The following RHOBTB2 variants were observed in gnomAD, a reference collection of about 807,000 sequenced individuals.
The protein encoded by RHOBTB2 is Rho related BTB domain containing 2.
RHOBTB2 carries 39 observed loss-of-function variants against 66.5 expected under a neutral mutation model. The observed-to-expected ratio is 0.59, with a 90% CI of 0.45 to 0.77. The LOEUF (loss-of-function observed/expected upper bound fraction) is 0.77, where lower values mean the gene tolerates loss of function less well. Ranked by LOEUF, RHOBTB2 falls within the 30% of genes least tolerant of loss-of-function variation. The pLI is 0.00. For missense variants in RHOBTB2, 755 were observed against 999.1 expected (o/e 0.76, Z 3.29); for synonymous variants, 390 against 395.0 (o/e 0.99, Z 0.15).
At chr8:23,015,982 A>T (rs927150815) in intron 9 of RHOBTB2, among the ~76,000 whole-genome samples, 1 of 152,234 alleles carries the variant, frequency 6.6e-6, no homozygotes, top group Non-Finnish European at 1.5e-5. Context: ...ATACTGGACT[A>T]AAGTTGGTAG....
At position 23,004,338 on chromosome 8, in the gene RHOBTB2, T is replaced by C. The variant is rs1045478012; in HGVS notation, c.-10-87T>C. ...TCCGGGGCTTGCAGAGGGGGCAGCC[T>C]GGCTGAGGAGAGCTGCGGGTGCTGG... On this transcript the variant is annotated intron_variant, in intron 1 of 9. Transcript: ENST00000251822. The surrounding 1 kb of genome is among the most constrained non-coding windows in gnomAD (Gnocchi z 6.4). 8.6e-7 allele frequency: 1 copy of C among 1,163,778 alleles called. No homozygotes were observed. The highest frequency in any genetic ancestry group is 2.4e-5 in the East Asian group (1 of 41,808). 72.1% of individuals were successfully genotyped at this position (1,163,778 alleles called of 1,614,324 possible). A position where few individuals can be genotyped will look rare whatever the true frequency, so the allele number is the denominator to read the frequency against.
chr8:22,970,953 A>G, the RHOBTB2 span, among the ~76,000 whole-genome samples: 16 of 152,098 alleles, frequency 1.1e-4, no homozygotes, highest in African/African-American at 3.4e-4. Context: ...ATCATTACAA[A>G]CCTTCTGCAC....
chr8:22,952,675 G>T, the RHOBTB2 span, among the ~76,000 whole-genome samples: 18 of 152,228 alleles, frequency 1.2e-4, no homozygotes, highest in African/African-American at 4.3e-4. Flanking sequence ...GAGGCCGAAG[G>T]CAGGTGGATC....
chr8:22,974,973 T>C, the RHOBTB2 span, among the ~76,000 whole-genome samples: 1 of 152,174 alleles, frequency 6.6e-6, no homozygotes, highest in African/African-American at 2.4e-5. Flanking sequence ...GTTTTGTCCC[T>C]TGAGATTCTT....
At chr8:22,955,917 G>A in the RHOBTB2 span, among the ~76,000 whole-genome samples, 2 of 152,220 alleles carry the variant, frequency 1.3e-5, no homozygotes, top group Non-Finnish European at 2.9e-5. Context: ...TAGAGGATAT[G>A]GAAGGATGCC....
rs190340015 is a variant in RHOBTB2, at chr8:23,020,138, A to G, written c.*2669A>G. The G allele has an allele frequency of 3.4e-5, 13 of 386,934 alleles. No individual in the cohort carries two copies. The Admixed American group carries it at 3.9e-4, about 12-fold the overall frequency. 24.0% of individuals were successfully genotyped at this position (386,934 alleles called of 1,614,324 possible). A position where few individuals can be genotyped will look rare whatever the true frequency, so the allele number is the denominator to read the frequency against. On this transcript the variant is annotated 3_prime_UTR_variant, in exon 10 of 10. Transcript: ENST00000251822. ...GGAGACAAAAACCACACCTCTTTTT[A>G]TATAAGGTTTCATATTTAATTTGGT...
the RHOBTB2 span, among the ~76,000 whole-genome samples, chr8:22,972,225 G>A: frequency 5.1e-3 from 783 of 152,312 alleles, 3 homozygotes; most frequent in Non-Finnish European, 8.7e-3. Flanking sequence ...TAGGGTTCAT[G>A]ACACATGTAG....
upstream of RHOBTB2, among the ~76,000 whole-genome samples, chr8:22,996,202 G>A (rs1185076494): frequency 6.6e-6 from 1 of 152,222 alleles, no homozygotes; most frequent in African/African-American, 2.4e-5. Context: ...GCCTTCTGGG[G>A]ACAGGTTCCA....
In RHOBTB2 at chr8:23,014,682, T is replaced by A. The variant is rs772311139; in HGVS notation, c.1772-8T>A. On this transcript the variant is annotated splice_polypyrimidine_tract_variant and splice_region_variant and intron_variant, in intron 7 of 9. Coordinates refer to ENST00000251822, the MANE Select transcript of RHOBTB2 (RefSeq NM_015178.3). Reference sequence around the variant, plus strand: ...TCTTCAGCTGATTGGTGGCCGTGTGTGTTACAGAGCAGTACACAGTGACCG... The same window carrying A: ...TCTTCAGCTGATTGGTGGCCGTGTGAGTTACAGAGCAGTACACAGTGACCG... The A allele has an allele frequency of 3.1e-6, 5 of 1,613,296 alleles. No homozygotes were observed. In the South Asian group the frequency reaches 5.5e-5, roughly 18 times the overall value.
chr8:22,988,310 C>A (rs763242024), intron 1 of RHOBTB2, among the ~76,000 whole-genome samples: 1 of 152,012 alleles, frequency 6.6e-6, no homozygotes, highest in African/African-American at 2.4e-5. Context: ...CAGGGGCCTG[C>A]CACCATGCCT....
the RHOBTB2 span, among the ~76,000 whole-genome samples, chr8:22,978,987 C>T: frequency 6.6e-6 from 1 of 152,046 alleles, no homozygotes; most frequent in African/African-American, 2.4e-5. Context: ...CATATATTCC[C>T]ATCTTTATTA....
intron 3 of RHOBTB2, 36 bp downstream of exon 3, chr8:23,005,511 C>A: frequency 1.5e-6 from 2 of 1,373,680 alleles, no homozygotes; most frequent in Non-Finnish European, 2.1e-6. Flanking sequence ...AGAGAACCAA[C>A]AGGGTGGGTT....
the RHOBTB2 span, among the ~76,000 whole-genome samples, chr8:22,969,188 CCCCTTATA>C: frequency 6.6e-6 from 1 of 152,118 alleles, no homozygotes; most frequent in East Asian, 1.9e-4. Flanking sequence ...AAAGGGGTTT[CCCCTTATA>C]AAACCATCAG....
chr8:22,951,048 C>T, the RHOBTB2 span, among the ~76,000 whole-genome samples: 1 of 152,032 alleles, frequency 6.6e-6, no homozygotes. Context: ...AGAAGAAAAA[C>T]CTTACCAAGG....
rs573405514 is a variant in RHOBTB2, at chr8:23,010,968, A to T, written c.1771+280A>T. ...CATGAGGCTGGGCACAGAGGCTCAC[A>T]CCTATAATCCCAGCACTTTGGGAGG... is the stretch of plus-strand genomic sequence containing the variant. On this transcript the variant is annotated intron_variant, in intron 7 of 9. Coordinates refer to ENST00000251822, the MANE Select transcript of RHOBTB2 (RefSeq NM_015178.3). Among the ~76,000 whole-genome samples the T allele has an allele frequency of 3.9e-5, 6 of 152,264 alleles. No individual in the cohort carries two copies. In the South Asian group the frequency reaches 1.2e-3, roughly 32 times the overall value.
At chr8:22,967,584 C>T in the RHOBTB2 span, among the ~76,000 whole-genome samples, 1 of 72,246 alleles carries the variant, frequency 1.4e-5, no homozygotes, top group African/African-American at 5.9e-5. Context: ...GACTGGGCGA[C>T]AATAGCAAAA....
chr8:23,002,722 G>A (rs1232902852), intron 1 of RHOBTB2, among the ~76,000 whole-genome samples: 1 of 152,114 alleles, frequency 6.6e-6, no homozygotes, highest in Non-Finnish European at 1.5e-5. Flanking sequence ...ACGGTTGTCT[G>A]CTGAGGGAGG....
At chr8:22,957,217 G>T in the RHOBTB2 span, among the ~76,000 whole-genome samples, 1 of 152,002 alleles carries the variant, frequency 6.6e-6, no homozygotes, top group Admixed American at 6.6e-5. Context: ...TCAGATCAGG[G>T]GTGTGGGATG....
chr8:23,007,793 T>C (rs1811018989), intron 5 of RHOBTB2, 47 bp downstream of exon 5: 1 of 1,590,792 alleles, frequency 6.3e-7, no homozygotes, highest in Non-Finnish European at 8.6e-7. Flanking sequence ...TTGGTGCTAT[T>C]AGCATTGCCT....
Sources: gnomAD v4.1 joint callset for allele counts (sites outside exome capture counted in the v4.1 genomes callset) on GRCh38, gnomAD v4.1.1 for gene constraint, Gnocchi (gnomAD v3.1) non-coding constraint, MANE v1.5 for transcripts, NCBI Gene and HGNC (gene_info 2026-07-23, HGNC 2026-07-21) for gene names.